STK24: variants seen among roughly 807,000 people sequenced by gnomAD.
STK24 encodes serine/threonine kinase 24.
Under a neutral mutation model 55.6 loss-of-function variants are expected in STK24, and 21 were observed. That is an observed-to-expected ratio of 0.38 (90% CI 0.27 to 0.54). The LOEUF (loss-of-function observed/expected upper bound fraction) is 0.54, where lower values mean the gene tolerates loss of function less well. Among genes scored for constraint, STK24 ranks in the 20% least tolerant of loss-of-function variants. The pLI, the probability that STK24 is intolerant of heterozygous loss-of-function variation, is 0.79. For synonymous variants in STK24, 200 were observed against 215.2 expected, an observed-to-expected ratio of 0.93 and a Z score of 0.62; for missense variants, 383 against 538.4, an observed-to-expected ratio of 0.71 and a Z score of 2.86.
intron 3 of STK24, among the ~76,000 whole-genome samples, chr13:98,479,878 G>A (rs536255756): frequency 6.6e-6 from 1 of 152,332 alleles, no homozygotes; most frequent in African/African-American, 2.4e-5. Flanking sequence ...TAAAGATGGA[G>A]AAAGACAACA....
rs1897603789 is a variant in STK24 at position 98,567,208 on chromosome 13, G to A, written c.42+9537C>T. ...GCCAGCGCTGTGCAGTGCCCCCAGC[G>A]CGCAGACACCACTGACTCTGCAACA... On this transcript the variant is annotated intron_variant, in intron 1 of 10. Transcript: ENST00000539966. 7.2e-5 allele frequency among the ~76,000 whole-genome samples: 11 copies of A among 152,354 alleles called. No homozygotes were observed. The South Asian group carries it at 1.9e-3, about 26-fold the overall frequency.
intron 1 of STK24, among the ~76,000 whole-genome samples, chr13:98,537,636 C>T (rs946950905): frequency 1.1e-4 from 16 of 152,106 alleles, no homozygotes; most frequent in African/African-American, 3.4e-4. Context: ...CAGGTGGAGA[C>T]GTGCACCCGT....
chr13:98,467,566 G>C (rs1043948634), intron 5 of STK24, among the ~76,000 whole-genome samples: 32 of 152,002 alleles, frequency 2.1e-4, no homozygotes, highest in Non-Finnish European at 2.1e-4. Context: ...CCCAAATTCG[G>C]GATTTGTCTG....
chr13:98,471,523 C>T (rs1461983306), intron 5 of STK24, among the ~76,000 whole-genome samples: 1 of 152,162 alleles, frequency 6.6e-6, no homozygotes, highest in African/African-American at 2.4e-5. Context: ...ACCAAACTTC[C>T]CCAAATCACC....
intron 2 of STK24, among the ~76,000 whole-genome samples, chr13:98,504,337 C>G (rs1895603923): frequency 6.6e-6 from 1 of 152,218 alleles, no homozygotes; most frequent in Admixed American, 6.5e-5. Flanking sequence ...AGGTTGCAAT[C>G]CATTTTCCAG....
intron 7 of STK24, among the ~76,000 whole-genome samples, chr13:98,463,453 A>T (rs1025343553): frequency 6.6e-6 from 1 of 152,204 alleles, no homozygotes; most frequent in South Asian, 2.1e-4. Flanking sequence ...AGCCAGGTCC[A>T]GTTCCCCATG....
chr13:98,542,903 A>G, intron 1 of STK24: 18 of 985,452 alleles, frequency 1.8e-5, no homozygotes, highest in Non-Finnish European at 2.2e-5. Flanking sequence ...ACAACACCAG[A>G]ACACGCGGCC....
Position 98,461,866 on chromosome 13 carries a change from C to G in STK24, c.961G>C (p.Asp321His). ...ATTGTGAAGATCCAGTCCCCAGAAT[C>G]ACTGCCCCCCGAGGCTTGGCCATCT... is the stretch of plus-strand genomic sequence containing the variant. Reference protein sequence around the residue: ...ETDGQASGGSDSGDWIFTIRE... With the variant: ...ETDGQASGGSHSGDWIFTIRE... Residue 321 changes from aspartate (D) to histidine (H), a missense_variant, in exon 8 of 11, where the codon GAT becomes CAT. Transcript: ENST00000539966. 6.2e-7 allele frequency: 1 copy of G among 1,614,150 alleles called. No individual in the cohort carries two copies. Among genetic ancestry groups the G allele is most frequent in the Non-Finnish European group, 8.5e-7 (1 of 1,179,980 alleles).
chr13:98,523,128 G>C (rs1896319754), intron 1 of STK24, among the ~76,000 whole-genome samples: 1 of 152,320 alleles, frequency 6.6e-6, no homozygotes, highest in East Asian at 1.9e-4. Context: ...GGGAGATGCT[G>C]CTGGTCCAGG....
At position 98,448,168 on chromosome 13, in the gene STK24, G is replaced by C. The variant is rs868389988; in HGVS notation, c.*5005C>G. 1 of 1,330,228 alleles carries C rather than the reference G, an allele frequency of 7.5e-7. No homozygotes were observed. Among genetic ancestry groups the C allele is most frequent in the Non-Finnish European group, 1.1e-6 (1 of 923,852 alleles). The allele number at this position is 1,330,228 out of a possible 1,614,324, so 82.4% of individuals were successfully genotyped here. ...GACTTCACCTTGTGTTTCTGTAAGC[G>C]ATGCCCACCAAAGTGTCAGGAGTCC... is the stretch of plus-strand genomic sequence containing the variant. On this transcript the variant is annotated 3_prime_UTR_variant, in exon 11 of 11. Coordinates refer to ENST00000539966, the MANE Select transcript of STK24 (RefSeq NM_001032296.4).
At chr13:98,542,907 C>T (rs1311747049) in intron 1 of STK24, 27 of 985,338 alleles carry the variant, frequency 2.7e-5, no homozygotes, top group African/African-American at 5.2e-5. Flanking sequence ...CACCAGAACA[C>T]GCGGCCTGAC....
chr13:98,462,456 G>A (rs1893746705), intron 7 of STK24, among the ~76,000 whole-genome samples: 1 of 151,994 alleles, frequency 6.6e-6, no homozygotes, highest in Non-Finnish European at 1.5e-5. Flanking sequence ...TCCTGTATGG[G>A]CCTCAGAGGC....
chr13:98,536,089 C>T (rs1396411216), intron 1 of STK24, among the ~76,000 whole-genome samples: 7 of 152,146 alleles, frequency 4.6e-5, no homozygotes, highest in Admixed American at 2.6e-4. Flanking sequence ...AATGGAGGTG[C>T]GAAGGTCATA....
In STK24 at chr13:98,569,251, T is replaced by A. The variant is rs573785391; in HGVS notation, c.42+7494A>T. Among the ~76,000 whole-genome samples, 8 of 152,090 alleles carry A rather than the reference T, an allele frequency of 5.3e-5. No individual in the cohort carries two copies. In the East Asian group the frequency reaches 1.5e-3, roughly 29 times the overall value. The stretch of plus-strand genomic sequence containing the variant: ...CCTTTAAAATTCTGGAGGAAATGAA[T>A]GTCCACCCTGCAATTTTACACCATG... On this transcript the variant is annotated intron_variant, in intron 1 of 10. Coordinates refer to ENST00000539966, the MANE Select transcript of STK24 (RefSeq NM_001032296.4).
At chr13:98,545,413 G>A (rs755734072) in intron 1 of STK24, among the ~76,000 whole-genome samples, 8 of 152,138 alleles carry the variant, frequency 5.3e-5, no homozygotes, top group Non-Finnish European at 7.4e-5. Flanking sequence ...TTGGGAGGCC[G>A]AGGCGGGTGG....
At chr13:98,510,565 T>C (rs1243536667) in intron 2 of STK24, among the ~76,000 whole-genome samples, 1 of 152,254 alleles carries the variant, frequency 6.6e-6, no homozygotes, top group African/African-American at 2.4e-5. Context: ...AAGTGTGGTC[T>C]ATCCACAGAA....
intron 1 of STK24, among the ~76,000 whole-genome samples, chr13:98,532,862 A>G (rs541034631): frequency 3.3e-5 from 5 of 152,202 alleles, no homozygotes; most frequent in South Asian, 4.1e-4. Context: ...AAGTGGCACT[A>G]CTCAGTTTAT....
intron 2 of STK24, among the ~76,000 whole-genome samples, chr13:98,512,962 T>C (rs1324725828): frequency 6.6e-6 from 1 of 152,212 alleles, no homozygotes; most frequent in Non-Finnish European, 1.5e-5. Flanking sequence ...CCAACACTTA[T>C]GTAATCAGTC....
At chr13:98,538,052 C>CA (rs1420960180) in intron 1 of STK24, among the ~76,000 whole-genome samples, 4 of 152,170 alleles carry the variant, frequency 2.6e-5, no homozygotes, top group African/African-American at 9.6e-5. Context: ...GGTTTTCTGT[C>CA]ACAACAGACA....
Sources: allele counts gnomAD v4.1 joint callset (sites outside exome capture counted in the v4.1 genomes callset), GRCh38; gene constraint gnomAD v4.1.1; transcripts MANE v1.5; gene names NCBI Gene and HGNC (gene_info 2026-07-23, HGNC 2026-07-21).